The following RP1 variants were observed in gnomAD, a reference collection of about 807,000 sequenced individuals.
The protein encoded by RP1 is oxygen-regulated protein 1.
In RP1, 16 loss-of-function variants were observed where a neutral mutation model predicts 14.8. The observed-to-expected ratio is 1.08, with a 90% CI of 0.73 to 1.65. The LOEUF is 1.65. Ranked by LOEUF, RP1 falls within the 40% of genes most tolerant of loss-of-function variation. The probability of loss-of-function intolerance (pLI) is 0.00; values close to 1 mark genes in which losing one functional copy is unlikely to be tolerated. For synonymous variants in RP1, 876 were observed against 883.6 expected (o/e 0.99, Z 0.15); for missense variants, 2,631 against 2,535.0 (o/e 1.04, Z -0.81).
intron 1 of RP1, among the ~76,000 whole-genome samples, chr8:54,603,709 T>G (rs1451547187): frequency 6.6e-6 from 1 of 152,212 alleles, no homozygotes. Context: ...CCTCTTTTAT[T>G]TCATTGAGCA....
At chr8:54,603,838 T>A (rs1476865984) in intron 1 of RP1, among the ~76,000 whole-genome samples, 1 of 152,200 alleles carries the variant, frequency 6.6e-6, no homozygotes, top group East Asian at 1.9e-4. Context: ...GGCTCTCTGT[T>A]TGTCTGTTAT....
At chr8:54,561,128 G>A (rs1357571492) in intron 1 of RP1, 1 of 152,112 alleles carries the variant, frequency 6.6e-6, no homozygotes, top group African/African-American at 2.4e-5. Flanking sequence ...TTCCTCAGAA[G>A]GGTATCTCTC....
intron 1 of RP1, among the ~76,000 whole-genome samples, chr8:54,618,706 G>A (rs1396179583): frequency 6.6e-6 from 1 of 151,690 alleles, no homozygotes; most frequent in Admixed American, 6.6e-5. Flanking sequence ...TCCAGGCTGG[G>A]GTGCAGTGGT....
At chr8:54,648,896 A>T in intron 3 of RP1, 1 of 886,056 alleles carries the variant, frequency 1.1e-6, no homozygotes, top group Non-Finnish European at 1.6e-6. Context: ...GTCTATCCTG[A>T]ACTCTCCTAG....
downstream of RP1, among the ~76,000 whole-genome samples, chr8:54,774,063 A>G (rs951851733): frequency 6.6e-6 from 1 of 152,236 alleles, no homozygotes; most frequent in Non-Finnish European, 1.5e-5. Flanking sequence ...GATTAAGAAC[A>G]TAAAATATTC....
At chr8:54,797,873 C>CTTT (rs71254593) in intron 24 of RP1, among the ~76,000 whole-genome samples, 135 of 112,216 alleles carry the variant, frequency 1.2e-3, no homozygotes, top group Middle Eastern at 6.6e-3. Context: ...GTTTCCCAAC[C>CTTT]TTTTTTTTTT....
chr8:54,567,646 C>T (rs1459622436), intron 1 of RP1, among the ~76,000 whole-genome samples: 4 of 152,032 alleles, frequency 2.6e-5, no homozygotes, highest in Admixed American at 6.5e-5. Context: ...AAAAAATCAC[C>T]CTTCTTTTGT....
At chr8:54,614,183 G>T (rs1585552121), upstream of RP1, among the ~76,000 whole-genome samples, 1 of 152,192 alleles carries the variant, frequency 6.6e-6, no homozygotes. Context: ...TTGAACTGAG[G>T]TCTGACTGAC....
intron 27 of RP1, among the ~76,000 whole-genome samples, chr8:54,864,218 C>T (rs577204161): frequency 4.6e-5 from 7 of 151,984 alleles, no homozygotes; most frequent in African/African-American, 1.7e-4. Context: ...ACAAAAAGGA[C>T]GAAGGTGTCG....
chr8:54,790,675 T>C (rs1810442735), intron 24 of RP1, among the ~76,000 whole-genome samples: 2 of 152,088 alleles, frequency 1.3e-5, no homozygotes, highest in African/African-American at 4.8e-5. Context: ...ATTAAAATTC[T>C]AAAGCTGAAG....
chr8:54,701,561 G>C (rs1329332050), exon 14 of RP1: 1 of 1,535,758 alleles, frequency 6.5e-7, no homozygotes. Flanking sequence ...GTCGGCACTG[G>C]TTCCTGGTCA....
rs181128357 is a variant in RP1 at position 54,559,493 on chromosome 8, G to A, written c.-13+173G>A. Among the ~76,000 whole-genome samples, 69 of 152,234 alleles carry A rather than the reference G, an allele frequency of 4.5e-4. No individual in the cohort carries two copies. The East Asian group carries it at 0.013, about 28-fold the overall frequency. Reference sequence around the variant, plus strand: ...TGCCAAAGATGGTAAAGCAAGCAGTGGAAGGCCTGAGCTAAATAACTGTGT... The same window carrying A: ...TGCCAAAGATGGTAAAGCAAGCAGTAGAAGGCCTGAGCTAAATAACTGTGT... On this transcript the variant is annotated intron_variant, in intron 1 of 22. Coordinates refer to the RP1 transcript ENST00000636932.
intron 16 of RP1, among the ~76,000 whole-genome samples, chr8:54,724,158 T>C (rs1378459393): frequency 6.6e-6 from 1 of 152,244 alleles, no homozygotes; most frequent in Non-Finnish European, 1.5e-5. Context: ...AATACTGTCA[T>C]ATATCCAATT....
chr8:54,770,891 T>G (rs1809883066), downstream of RP1, among the ~76,000 whole-genome samples: 1 of 151,980 alleles, frequency 6.6e-6, no homozygotes, highest in African/African-American at 2.4e-5. Flanking sequence ...TATTAATATG[T>G]TACATTTTTA....
At chr8:54,744,672 A>C (rs1809182532) in intron 19 of RP1, among the ~76,000 whole-genome samples, 1 of 152,218 alleles carries the variant, frequency 6.6e-6, no homozygotes, top group South Asian at 2.1e-4. Context: ...CTGTCTGATA[A>C]TTAAACTCCA....
Position 54,621,494 on chromosome 8 carries a change from C to T in RP1, c.528C>T (p.Val176=). ...GTGCGGTTCTTCTGAGCAGGAGGGT[C>T]ACCCAGAGCTTCGAGGCATTTCTAC... is the stretch of plus-strand genomic sequence containing the variant. ...TRRAVLLSRR[V]TQSFEAFLQH... The change falls in exon 2 of 4, where the codon GTC becomes GTT. Residue 176 remains valine (V), a synonymous_variant. Coordinates refer to ENST00000220676, the MANE Select transcript of RP1 (RefSeq NM_006269.2). 3.1e-6 allele frequency: 5 copies of T among 1,614,132 alleles called. No homozygotes were observed. The highest frequency in any genetic ancestry group is 4.2e-6 in the Non-Finnish European group (5 of 1,180,044).
intron 18 of RP1, among the ~76,000 whole-genome samples, chr8:54,736,032 T>C (rs1483088604): frequency 6.6e-6 from 1 of 152,146 alleles, no homozygotes; most frequent in Non-Finnish European, 1.5e-5. Context: ...TTGCCTGAGG[T>C]ACAGTCTGGG....
At chr8:54,569,825 C>T (rs991363594) in intron 1 of RP1, among the ~76,000 whole-genome samples, 7 of 152,090 alleles carry the variant, frequency 4.6e-5, no homozygotes, top group Non-Finnish European at 7.4e-5. Context: ...TCATCACAGA[C>T]GACGTACCGC....
At chr8:54,832,327 T>A (rs1034083302) in intron 24 of RP1, among the ~76,000 whole-genome samples, 8 of 151,886 alleles carry the variant, frequency 5.3e-5, no homozygotes, top group African/African-American at 1.4e-4. Flanking sequence ...GCTGTTAAAT[T>A]GTTTTACTAA....
Sources: allele counts gnomAD v4.1 joint callset (sites outside exome capture counted in the v4.1 genomes callset), GRCh38; gene constraint gnomAD v4.1.1; transcripts MANE v1.5; gene names NCBI Gene and HGNC (gene_info 2026-07-23, HGNC 2026-07-21).